Variants in MEF2C observed in about 807,000 individuals in gnomAD.
The protein encoded by MEF2C is myocyte-specific enhancer factor 2C.
MEF2C carries 6 observed loss-of-function variants against 50.5 expected under a neutral mutation model. The observed-to-expected ratio is 0.12, with a 90% CI of 0.07 to 0.23. The LOEUF is 0.23. Among genes scored for constraint, MEF2C ranks in the 10% least tolerant of loss-of-function variants. The pLI, the probability that MEF2C is intolerant of heterozygous loss-of-function variation, is 1.00. For missense variants in MEF2C, 276 were observed against 605.0 expected (o/e 0.46, Z 5.70); for synonymous variants, 183 against 228.0 (o/e 0.80, Z 1.78).
chr5:88,865,144 G>A (rs1826885219), intron 1 of MEF2C, among the ~76,000 whole-genome samples: 1 of 152,058 alleles, frequency 6.6e-6, no homozygotes, highest in Non-Finnish European at 1.5e-5. Flanking sequence ...TGATTCTGTA[G>A]CCTCAGTGTC....
chr5:88,773,585 C>G (rs570163315), intron 3 of MEF2C, among the ~76,000 whole-genome samples: 20 of 152,142 alleles, frequency 1.3e-4, no homozygotes, highest in Non-Finnish European at 2.8e-4. Flanking sequence ...ACTTTCCATC[C>G]TTGGCAACTA....
intron 3 of MEF2C, among the ~76,000 whole-genome samples, chr5:88,764,497 A>G (rs1779125099): frequency 6.6e-6 from 1 of 152,082 alleles, no homozygotes; most frequent in Non-Finnish European, 1.5e-5. Flanking sequence ...TAGTTAGGAC[A>G]CTGGACGCTG....
chr5:88,903,110 T>C (rs972292236), intron 1 of MEF2C, among the ~76,000 whole-genome samples: 8 of 152,110 alleles, frequency 5.3e-5, no homozygotes, highest in Admixed American at 2.6e-4. Flanking sequence ...TGTTTTGCAT[T>C]AATTAAAGTC....
At chr5:88,821,659 A>C (rs925657715) in intron 2 of MEF2C, among the ~76,000 whole-genome samples, 3 of 151,558 alleles carry the variant, frequency 2.0e-5, no homozygotes, top group Admixed American at 2.0e-4. Context: ...AGAAGGACAC[A>C]TTTTGCATGT....
intron 6 of MEF2C, among the ~76,000 whole-genome samples, chr5:88,748,494 G>A (rs1771052785): frequency 6.6e-6 from 1 of 152,182 alleles, no homozygotes; most frequent in South Asian, 2.1e-4. Flanking sequence ...ATGTGACTGA[G>A]ACAATTATTG....
chr5:88,881,814 A>G (rs1203623676), intron 1 of MEF2C, among the ~76,000 whole-genome samples: 1 of 151,624 alleles, frequency 6.6e-6, no homozygotes, highest in African/African-American at 2.4e-5. Context: ...AGCATTTCAT[A>G]AGACAGTTAC....
In MEF2C at chr5:88,774,565, G is replaced by A. The variant is rs1358056426; in HGVS notation, c.259-13237C>T. On this transcript the variant is annotated intron_variant, in intron 3 of 10. Transcript: ENST00000504921. Reference sequence around the variant, plus strand: ...TCTCGATCTCCTGACCTCGTGATCTGCCCGCCTCGGCCTCCCAAAGTAAGT... The same window carrying A: ...TCTCGATCTCCTGACCTCGTGATCTACCCGCCTCGGCCTCCCAAAGTAAGT... 2.0e-5 allele frequency among the ~76,000 whole-genome samples: 3 copies of A among 152,046 alleles called. No individual in the cohort carries two copies. The East Asian group carries it at 5.8e-4, about 29-fold the overall frequency.
chr5:88,735,045 T>C (rs1763528858), intron 6 of MEF2C: 2 of 985,296 alleles, frequency 2.0e-6, no homozygotes, highest in Non-Finnish European at 2.4e-6. Flanking sequence ...ATTGTTATTC[T>C]TTGGACATAA....
chr5:88,804,513 T>C, intron 3 of MEF2C, 85 bp downstream of exon 3: 5 of 1,177,302 alleles, frequency 4.2e-6, no homozygotes, highest in African/African-American at 1.5e-5. Flanking sequence ...AAAAAGAACA[T>C]GATGTGTGTA....
chr5:88,769,218 A>C (rs1424196224), intron 3 of MEF2C, among the ~76,000 whole-genome samples: 1 of 152,214 alleles, frequency 6.6e-6, no homozygotes, highest in African/African-American at 2.4e-5. Context: ...CATGCTTTCA[A>C]ATTCTTGGGC....
chr5:88,751,804 G>A lies in MEF2C; in HGVS notation c.589+53C>T, dbSNP rs745411636. 13 of 1,568,576 alleles carry A rather than the reference G, an allele frequency of 8.3e-6. No individual in the cohort carries two copies. In the East Asian group the frequency reaches 1.1e-4, roughly 14 times the overall value. On this transcript the variant is annotated intron_variant, in intron 5 of 10. Coordinates refer to ENST00000504921, the MANE Select transcript of MEF2C (RefSeq NM_002397.5). ...TAGATAAAGCAGTGTTGGCTTTGCC[G>A]AAAATGGTTCCTTCCAACTATTTGT...
intron 6 of MEF2C, chr5:88,734,576 T>TTTTTTTG: frequency 1.2e-6 from 1 of 856,636 alleles, no homozygotes; most frequent in Non-Finnish European, 1.4e-6. Context: ...TTTTTTTTTT[T>TTTTTTTG]TTTTTTTTTT....
At position 88,718,401 on chromosome 5, in the gene MEF2C, A is replaced by G. The variant is rs1039420844; in HGVS notation, c.*4203T>C. ...AGATGTGGTTTAACTTAGTTATAACATCTTGTCATCTAGTGGCGACAAAGT... is the reference window on the plus strand; with the variant it reads ...AGATGTGGTTTAACTTAGTTATAACGTCTTGTCATCTAGTGGCGACAAAGT... On this transcript the variant is annotated 3_prime_UTR_variant, in exon 11 of 11. Coordinates refer to ENST00000504921, the MANE Select transcript of MEF2C (RefSeq NM_002397.5). The G allele has an allele frequency of 6.6e-6, 1 of 152,198 alleles. No individual in the cohort carries two copies. Among genetic ancestry groups the G allele is most frequent in the Non-Finnish European group, 1.5e-5 (1 of 68,034 alleles). 9.4% of individuals were successfully genotyped at this position (152,198 alleles called of 1,614,324 possible). A position where few individuals can be genotyped will look rare whatever the true frequency, so the allele number is the denominator to read the frequency against.
At chr5:88,732,150 TA>T (rs1178594662) in intron 6 of MEF2C, among the ~76,000 whole-genome samples, 1 of 152,168 alleles carries the variant, frequency 6.6e-6, no homozygotes, top group Non-Finnish European at 1.5e-5. Flanking sequence ...AGTCAGCATA[TA>T]CTTTTTTTCC....
intron 2 of MEF2C, among the ~76,000 whole-genome samples, chr5:88,807,530 C>T (rs768789695): frequency 6.6e-6 from 1 of 152,112 alleles, no homozygotes; most frequent in Non-Finnish European, 1.5e-5. Context: ...CACCGTGCCT[C>T]GCCTCACTTT....
chr5:88,815,123 A>G (rs561223510), intron 2 of MEF2C, among the ~76,000 whole-genome samples: 1 of 152,266 alleles, frequency 6.6e-6, no homozygotes, highest in Non-Finnish European at 1.5e-5. Context: ...TGAATCTGAG[A>G]AGAATCAAAT....
chr5:88,797,040 C>A (rs184862943), intron 3 of MEF2C, among the ~76,000 whole-genome samples: 1 of 152,114 alleles, frequency 6.6e-6, no homozygotes, highest in African/African-American at 2.4e-5. Context: ...TGTTTTACTT[C>A]CAATTATGTC....
At chr5:88,752,828 GT>G in intron 4 of MEF2C, 1 of 912,414 alleles carries the variant, frequency 1.1e-6, no homozygotes, top group Non-Finnish European at 1.3e-6. Flanking sequence ...GCAAAATCAT[GT>G]TTATGTTTCT....
intron 3 of MEF2C, among the ~76,000 whole-genome samples, chr5:88,763,123 T>C (rs1307795469): frequency 6.6e-6 from 1 of 152,222 alleles, no homozygotes; most frequent in Non-Finnish European, 1.5e-5. Flanking sequence ...ATTAATGTTA[T>C]AGTGGTATAA....
Sources: gnomAD v4.1 joint callset for allele counts (sites outside exome capture counted in the v4.1 genomes callset) on GRCh38, gnomAD v4.1.1 for gene constraint, MANE v1.5 for transcripts, NCBI Gene and HGNC (gene_info 2026-07-23, HGNC 2026-07-21) for gene names.